Variants in ST6GALNAC3 observed in about 807,000 individuals in gnomAD.
ST6GALNAC3 encodes ST6 N-acetylgalactosaminide alpha-2,6-sialyltransferase 3.
ST6GALNAC3 carries 25 observed loss-of-function variants against 32.7 expected under a neutral mutation model. The ratio of observed to expected loss-of-function variants is 0.76; its 90% CI spans 0.56 to 1.07. The LOEUF (loss-of-function observed/expected upper bound fraction) is 1.07. Among genes scored for constraint, ST6GALNAC3 ranks in the 50% least tolerant of loss-of-function variants. The pLI is 0.00. For missense variants in ST6GALNAC3, 355 were observed against 382.4 expected (o/e 0.93, Z 0.60); for synonymous variants, 129 against 133.1 (o/e 0.97, Z 0.21).
intron 3 of ST6GALNAC3, among the ~76,000 whole-genome samples, chr1:76,415,109 C>T (rs1571156666): frequency 6.6e-6 from 1 of 151,000 alleles, no homozygotes; most frequent in East Asian, 1.9e-4. Context: ...AATCACATTC[C>T]CATGATCTTT....
At chr1:76,492,234 G>A (rs1571405017) in intron 3 of ST6GALNAC3, among the ~76,000 whole-genome samples, 1 of 152,248 alleles carries the variant, frequency 6.6e-6, no homozygotes, top group South Asian at 2.1e-4. Flanking sequence ...AACCTTATTG[G>A]TGTTGCACAG....
In ST6GALNAC3 at chr1:76,094,803, A is replaced by G. The variant is rs542114898; in HGVS notation, c.18+19919A>G. On this transcript the variant is annotated intron_variant, in intron 1 of 4. Coordinates refer to ENST00000328299, the MANE Select transcript of ST6GALNAC3 (RefSeq NM_152996.4). ...GACTTCTCCTCTCTTCCCTTGGTAT[A>G]TGGGTGCAATCAATTCTTGCTTTAA... Among the ~76,000 whole-genome samples the G allele has an allele frequency of 1.8e-4, 28 of 152,258 alleles. No homozygotes were observed. In the South Asian group the frequency reaches 5.6e-3, roughly 30 times the overall value.
At chr1:76,296,715 CA>C (rs1268149050) in intron 1 of ST6GALNAC3, among the ~76,000 whole-genome samples, 3 of 151,888 alleles carry the variant, frequency 2.0e-5, no homozygotes, top group Admixed American at 6.6e-5. Context: ...TAGTGGCAAC[CA>C]AAACAGACAC....
intron 3 of ST6GALNAC3, among the ~76,000 whole-genome samples, chr1:76,602,117 A>G (rs974297998): frequency 6.6e-6 from 1 of 152,170 alleles, no homozygotes; most frequent in African/African-American, 2.4e-5. Flanking sequence ...TCAAGAATAA[A>G]GAAAAAGATT....
intron 1 of ST6GALNAC3, among the ~76,000 whole-genome samples, chr1:76,209,394 C>G (rs1557698186): frequency 6.6e-6 from 1 of 152,144 alleles, no homozygotes; most frequent in Non-Finnish European, 1.5e-5. Context: ...GTCAAGCATG[C>G]CAGGATGAGG....
intron 1 of ST6GALNAC3, among the ~76,000 whole-genome samples, chr1:76,103,071 T>C (rs1647295668): frequency 6.6e-6 from 1 of 151,946 alleles, no homozygotes; most frequent in African/African-American, 2.4e-5. Flanking sequence ...AAAAATCCAA[T>C]TTTTGTTTCT....
At chr1:76,526,665 C>G (rs1662929731) in intron 3 of ST6GALNAC3, among the ~76,000 whole-genome samples, 1 of 152,132 alleles carries the variant, frequency 6.6e-6, no homozygotes, top group African/African-American at 2.4e-5. Flanking sequence ...GTCAACACTT[C>G]ACTTTCAGCT....
intron 1 of ST6GALNAC3, among the ~76,000 whole-genome samples, chr1:76,161,752 G>A (rs1022451700): frequency 5.9e-5 from 9 of 152,174 alleles, no homozygotes; most frequent in Non-Finnish European, 1.0e-4. Flanking sequence ...AATGAGCTAC[G>A]TAATTGGCCT....
chr1:76,523,635 A>G (rs1373961215), intron 3 of ST6GALNAC3, among the ~76,000 whole-genome samples: 1 of 152,110 alleles, frequency 6.6e-6, no homozygotes, highest in East Asian at 1.9e-4. Context: ...TGCAATTAAG[A>G]CACTACTTCA....
At chr1:76,526,473 G>A (rs1662917106) in intron 3 of ST6GALNAC3, among the ~76,000 whole-genome samples, 1 of 151,826 alleles carries the variant, frequency 6.6e-6, no homozygotes, top group South Asian at 2.1e-4. Flanking sequence ...ATTTGAAGTG[G>A]CCTTCACACT....
chr1:76,306,678 TTGG>T (rs201073976), intron 1 of ST6GALNAC3, among the ~76,000 whole-genome samples: 4 of 12,014 alleles, frequency 3.3e-4, no homozygotes, highest in Non-Finnish European at 1.9e-3. Flanking sequence ...GTTTTTTTTT[TTGG>T]GGGGCGGGGG....
At chr1:76,249,489 A>G (rs976473424) in intron 1 of ST6GALNAC3, among the ~76,000 whole-genome samples, 1 of 152,138 alleles carries the variant, frequency 6.6e-6, no homozygotes, top group East Asian at 1.9e-4. Context: ...ATTGCCACAT[A>G]TATTCCATTC....
intron 3 of ST6GALNAC3, among the ~76,000 whole-genome samples, chr1:76,463,013 G>T (rs548539405): frequency 6.6e-6 from 1 of 152,228 alleles, no homozygotes; most frequent in East Asian, 1.9e-4. Context: ...TGCTAAAGTA[G>T]TTCCTAAAGT....
chr1:76,600,439 A>G (rs1166694133), intron 3 of ST6GALNAC3, among the ~76,000 whole-genome samples: 1 of 152,078 alleles, frequency 6.6e-6, no homozygotes, highest in Non-Finnish European at 1.5e-5. Flanking sequence ...CCCCACCCCT[A>G]TTATTCACTC....
intron 3 of ST6GALNAC3, among the ~76,000 whole-genome samples, chr1:76,416,373 T>A (rs1451253561): frequency 2.0e-5 from 3 of 152,086 alleles, no homozygotes; most frequent in Non-Finnish European, 4.4e-5. Flanking sequence ...TAGAACTTTT[T>A]AGCAAGTAGT....
chr1:76,090,478 C>G (rs563523076), intron 1 of ST6GALNAC3, among the ~76,000 whole-genome samples: 2 of 152,354 alleles, frequency 1.3e-5, no homozygotes, highest in East Asian at 3.9e-4. Context: ...AGTTCCTCTT[C>G]TTCATTTGTC....
At chr1:76,474,828 G>T (rs1412360534) in intron 3 of ST6GALNAC3, among the ~76,000 whole-genome samples, 3 of 152,160 alleles carry the variant, frequency 2.0e-5, no homozygotes, top group Non-Finnish European at 4.4e-5. Context: ...CTCGCATCCT[G>T]TGGGATTGCA....
At chr1:76,404,699 C>T (rs139183805) in intron 2 of ST6GALNAC3, among the ~76,000 whole-genome samples, 2 of 152,168 alleles carry the variant, frequency 1.3e-5, no homozygotes, top group African/African-American at 4.8e-5. Context: ...GTTCAACCTG[C>T]TTTGTTCAAA....
chr1:76,378,677 A>T (rs1651451335), intron 2 of ST6GALNAC3, among the ~76,000 whole-genome samples: 1 of 151,832 alleles, frequency 6.6e-6, no homozygotes, highest in African/African-American at 2.4e-5. Flanking sequence ...CCAAAAAAAA[A>T]AATTAAAAAT....
Sources: allele counts gnomAD v4.1 joint callset (sites outside exome capture counted in the v4.1 genomes callset), GRCh38; gene constraint gnomAD v4.1.1; transcripts MANE v1.5; gene names NCBI Gene and HGNC (gene_info 2026-07-23, HGNC 2026-07-21).